Variants in FHOD3 observed in about 807,000 individuals in gnomAD.
FHOD3 encodes formin homology 2 domain containing 3, also known as FH1/FH2 domain-containing protein 3.
FHOD3 carries 90 observed loss-of-function variants against 173.0 expected under a neutral mutation model. The ratio of observed to expected loss-of-function variants is 0.52; its 90% CI spans 0.44 to 0.62. The LOEUF is 0.62. FHOD3 is among the 20% of genes least tolerant of loss of function. FHOD3 has a pLI of 0.00. For missense variants in FHOD3, 1,945 were observed against 2,034.7 expected (o/e 0.96, Z 0.85); for synonymous variants, 828 against 823.0 (o/e 1.01, Z -0.10).
intron 3 of FHOD3, among the ~76,000 whole-genome samples, chr18:36,386,234 G>T (rs1240640542): frequency 6.6e-6 from 1 of 152,074 alleles, no homozygotes; most frequent in Admixed American, 6.6e-5. Flanking sequence ...TTTGGCCTGG[G>T]GTACCTTAGA....
chr18:36,708,901 C>A (rs189988836), intron 17 of FHOD3, among the ~76,000 whole-genome samples, 194 bp from the exon 18 acceptor site: 1 of 152,302 alleles, frequency 6.6e-6, no homozygotes, highest in Non-Finnish European at 1.5e-5. Context: ...TGACTAGGGA[C>A]TTTCCTGTCA....
At chr18:36,558,802 G>A (rs952581500) in intron 5 of FHOD3, among the ~76,000 whole-genome samples, 1 of 152,142 alleles carries the variant, frequency 6.6e-6, no homozygotes, top group African/African-American at 2.4e-5. Context: ...AATAGTCCAT[G>A]GTGTGTCATC....
chr18:36,676,402 A>G (rs1174071495), intron 14 of FHOD3, among the ~76,000 whole-genome samples: 1 of 152,206 alleles, frequency 6.6e-6, no homozygotes, highest in East Asian at 1.9e-4. Flanking sequence ...CTTTCTAAAA[A>G]CAAACTATAT....
chr18:36,457,671 A>G (rs1213861816), intron 3 of FHOD3, among the ~76,000 whole-genome samples: 1 of 152,204 alleles, frequency 6.6e-6, no homozygotes, highest in Non-Finnish European at 1.5e-5. Flanking sequence ...AGCAGCTGTA[A>G]CAGGTGAAGA....
At chr18:36,716,166 G>C (rs1249623333) in intron 18 of FHOD3, among the ~76,000 whole-genome samples, 1 of 152,222 alleles carries the variant, frequency 6.6e-6, no homozygotes. Context: ...TGTGGCTGTT[G>C]GGGTAAGAAC....
chr18:36,385,968 A>G (rs1262849039), intron 3 of FHOD3, among the ~76,000 whole-genome samples: 1 of 152,232 alleles, frequency 6.6e-6, no homozygotes, highest in Non-Finnish European at 1.5e-5. Context: ...CATGACACCA[A>G]GTGCTTAGTT....
chr18:36,428,458 G>A (rs971090775), intron 3 of FHOD3, among the ~76,000 whole-genome samples: 1 of 152,156 alleles, frequency 6.6e-6, no homozygotes, highest in South Asian at 2.1e-4. Context: ...GCCCCACTCC[G>A]GCCTGTGAAG....
chr18:36,563,871 C>T (rs1308803543), intron 5 of FHOD3, among the ~76,000 whole-genome samples: 1 of 152,144 alleles, frequency 6.6e-6, no homozygotes, highest in East Asian at 1.9e-4. Context: ...CTGCACCCTT[C>T]TCTGAATCTG....
chr18:36,494,894 AAG>A (rs2054660911), intron 3 of FHOD3, among the ~76,000 whole-genome samples: 1 of 152,094 alleles, frequency 6.6e-6, no homozygotes, highest in Non-Finnish European at 1.5e-5. Flanking sequence ...TGGTAGGTAG[AAG>A]AGGATCCAGC....
chr18:36,385,313 G>C (rs1269058223), intron 3 of FHOD3, among the ~76,000 whole-genome samples: 1 of 152,206 alleles, frequency 6.6e-6, no homozygotes, highest in African/African-American at 2.4e-5. Context: ...GCCAACCTAA[G>C]ACCTGAGGGT....
intron 14 of FHOD3, among the ~76,000 whole-genome samples, 193 bp downstream of exon 14, chr18:36,658,381 TG>T (rs1232182224): frequency 6.6e-6 from 1 of 152,178 alleles, no homozygotes; most frequent in African/African-American, 2.4e-5. Context: ...TTATTAGAGG[TG>T]ATATTTTAAT....
At chr18:36,359,226 G>C (rs1368450806) in intron 2 of FHOD3, among the ~76,000 whole-genome samples, 2 of 152,192 alleles carry the variant, frequency 1.3e-5, no homozygotes, top group Non-Finnish European at 2.9e-5. Flanking sequence ...TTCATACCAT[G>C]TGTTCTGAGT....
rs529302031 is a variant in FHOD3 at position 36,763,572 on chromosome 18, G to C, written c.4624+2790G>C. 7.4e-4 allele frequency among the ~76,000 whole-genome samples: 106 copies of C among 142,286 alleles called. 6 individuals carry two copies. The South Asian group carries it at 0.022, about 30-fold the overall frequency. 93.3% of individuals were successfully genotyped at this position (142,286 alleles called of 152,430 possible). On this transcript the variant is annotated intron_variant, in intron 27 of 28. Coordinates refer to ENST00000590592, the MANE Select transcript of FHOD3 (RefSeq NM_001281740.3). ...TATATATAATATGTGTATTATACAC[G>C]TTATATATAATATGTGTATTATACA...
intron 14 of FHOD3, among the ~76,000 whole-genome samples, chr18:36,671,303 G>A (rs1428750628): frequency 6.6e-6 from 1 of 152,234 alleles, no homozygotes; most frequent in Non-Finnish European, 1.5e-5. Flanking sequence ...GCCTGCAAAT[G>A]TTCTCCAATC....
intron 7 of FHOD3, among the ~76,000 whole-genome samples, chr18:36,597,893 A>G (rs992695981): frequency 6.6e-6 from 1 of 152,104 alleles, no homozygotes; most frequent in African/African-American, 2.4e-5. Context: ...CTTTATGGAC[A>G]TGTGTGGTCT....
chr18:36,517,823 T>C (rs1297911186), intron 5 of FHOD3, among the ~76,000 whole-genome samples: 1 of 152,232 alleles, frequency 6.6e-6, no homozygotes, highest in Non-Finnish European at 1.5e-5. Context: ...TTTTTAAAAA[T>C]GCAGATTTCA....
In FHOD3 at chr18:36,401,285, A is replaced by G. The variant is rs550400713; in HGVS notation, c.337+28541A>G. On this transcript the variant is annotated intron_variant, in intron 3 of 28. Coordinates refer to ENST00000590592, the MANE Select transcript of FHOD3 (RefSeq NM_001281740.3). ...GTTAACCACTTTCCCCTTCCACCCTATGAGGACACATACACAGTGCTACCT... is the reference window on the plus strand; with the variant it reads ...GTTAACCACTTTCCCCTTCCACCCTGTGAGGACACATACACAGTGCTACCT... 4.1e-4 allele frequency among the ~76,000 whole-genome samples: 63 copies of G among 152,298 alleles called. 2 individuals are homozygous for G. The highest frequency in any genetic ancestry group is 1.4e-3 in the African/African-American group (60 of 41,580).
chr18:36,604,135 G>A (rs2031778461), intron 8 of FHOD3, among the ~76,000 whole-genome samples: 1 of 152,148 alleles, frequency 6.6e-6, no homozygotes, highest in African/African-American at 2.4e-5. Context: ...TCTCAGGTCT[G>A]GAGTTTCTCC....
intron 3 of FHOD3, among the ~76,000 whole-genome samples, chr18:36,417,637 A>G (rs1214567305): frequency 6.6e-6 from 1 of 152,174 alleles, no homozygotes; most frequent in Non-Finnish European, 1.5e-5. Flanking sequence ...ATGTGGCTTT[A>G]TTTCATGAGA....
Sources: allele counts gnomAD v4.1 joint callset (sites outside exome capture counted in the v4.1 genomes callset), GRCh38; gene constraint gnomAD v4.1.1; transcripts MANE v1.5; gene names NCBI Gene and HGNC (gene_info 2026-07-23, HGNC 2026-07-21).